UBE2E1: variants seen among roughly 807,000 people sequenced by gnomAD.
The protein encoded by UBE2E1 is ubiquitin-conjugating enzyme E2 E1.
A neutral mutation model predicts 21.4 loss-of-function variants in UBE2E1; 6 were observed. The observed-to-expected ratio is 0.28, with a 90% CI of 0.15 to 0.55. UBE2E1 has a LOEUF of 0.55. Ranked by LOEUF, UBE2E1 falls within the 20% of genes least tolerant of loss-of-function variation. The probability of loss-of-function intolerance (pLI) is 0.93; values close to 1 mark genes in which losing one functional copy is unlikely to be tolerated. For synonymous variants in UBE2E1, 87 were observed against 82.7 expected, an observed-to-expected ratio of 1.05 and a Z score of -0.28; for missense variants, 142 against 236.5, an observed-to-expected ratio of 0.60 and a Z score of 2.62.
At chr3:23,879,589 A>C in intron 3 of UBE2E1, 1 of 249,162 alleles carries the variant, frequency 4.0e-6, no homozygotes. Context: ...AAGACTAACC[A>C]TCCTTCCCTT....
intron 3 of UBE2E1, among the ~76,000 whole-genome samples, chr3:23,833,636 C>T (rs1699914188): frequency 6.6e-6 from 1 of 152,186 alleles, no homozygotes. Flanking sequence ...TTATATTTTA[C>T]AGCAAATGTT....
chr3:23,891,251 G>A lies in UBE2E1; in HGVS notation c.*645G>A, dbSNP rs930718026. The A allele has an allele frequency of 4.6e-5, 7 of 152,212 alleles. No individual in the cohort carries two copies. The highest frequency in any genetic ancestry group is 1.0e-4 in the Non-Finnish European group (7 of 68,044). The allele number at this position is 152,212 out of a possible 1,614,324, so 9.4% of individuals were successfully genotyped here. A position where few individuals can be genotyped will look rare whatever the true frequency, so the allele number is the denominator to read the frequency against. ...TTGCTCAGTGGATTGGTTCTATGTT[G>A]TGGACTACTTAAGTCTGCATTTGTT... On this transcript the variant is annotated 3_prime_UTR_variant, in exon 6 of 6. Coordinates refer to ENST00000306627, the MANE Select transcript of UBE2E1 (RefSeq NM_003341.5).
chr3:23,866,958 G>A (rs1181199375), intron 3 of UBE2E1, among the ~76,000 whole-genome samples: 1 of 152,068 alleles, frequency 6.6e-6, no homozygotes, highest in African/African-American at 2.4e-5. Flanking sequence ...CATGGGTGTA[G>A]TAAAAATATA....
intron 3 of UBE2E1, among the ~76,000 whole-genome samples, chr3:23,883,904 C>CAA (rs35520751): frequency 0.26 from 22,876 of 86,796 alleles, 2,240 homozygotes; most frequent in Non-Finnish European, 0.28. Context: ...TGACAGATCT[C>CAA]AAAAAAAAAA....
At chr3:23,883,603 GCTTTAAGTGACTATCTAAAA>G (rs1476329696) in intron 3 of UBE2E1, among the ~76,000 whole-genome samples, 2 of 152,124 alleles carry the variant, frequency 1.3e-5, no homozygotes, top group Admixed American at 6.6e-5. Flanking sequence ...TCCAATAGCA[GCTTTAAGTGACTATCTAAAA>G]CTTGATATTC....
At chr3:23,848,248 C>G (rs1364291256) in intron 3 of UBE2E1, among the ~76,000 whole-genome samples, 1 of 152,164 alleles carries the variant, frequency 6.6e-6, no homozygotes, top group Non-Finnish European at 1.5e-5. Flanking sequence ...GCGGATGGAT[C>G]ACTTGAGGTC....
chr3:23,821,623 A>G (rs1699647303), intron 3 of UBE2E1, among the ~76,000 whole-genome samples: 1 of 152,162 alleles, frequency 6.6e-6, no homozygotes, highest in Non-Finnish European at 1.5e-5. Flanking sequence ...GAACACTGGG[A>G]CCTGTTGTTG....
At chr3:23,871,195 C>T (rs1413548553) in intron 3 of UBE2E1, among the ~76,000 whole-genome samples, 1 of 151,624 alleles carries the variant, frequency 6.6e-6, no homozygotes, top group Non-Finnish European at 1.5e-5. Context: ...CTGTTGGGTA[C>T]ACCTCCCAGA....
chr3:23,868,978 CAGTA>C (rs1700717937), intron 3 of UBE2E1, among the ~76,000 whole-genome samples: 3 of 152,152 alleles, frequency 2.0e-5, no homozygotes. Context: ...TATCTCCTGT[CAGTA>C]AGTTAGCTCA....
At chr3:23,844,786 C>T (rs893140090) in intron 3 of UBE2E1, among the ~76,000 whole-genome samples, 5 of 152,084 alleles carry the variant, frequency 3.3e-5, no homozygotes, top group African/African-American at 9.7e-5. Flanking sequence ...AGGTGTTATG[C>T]GTGGGAGATG....
intron 4 of UBE2E1, among the ~76,000 whole-genome samples, chr3:23,888,907 C>T (rs892650972): frequency 2.0e-5 from 3 of 152,140 alleles, no homozygotes; most frequent in Admixed American, 6.5e-5. Context: ...CTGAACTTAC[C>T]GTCAGTGGAC....
At chr3:23,873,028 A>AG (rs1700838118) in intron 3 of UBE2E1, among the ~76,000 whole-genome samples, 1 of 152,056 alleles carries the variant, frequency 6.6e-6, no homozygotes, top group African/African-American at 2.4e-5. Flanking sequence ...AAAAAAAAAA[A>AG]ATTAACCTAG....
At chr3:23,815,388 T>C (rs1410604040) in intron 3 of UBE2E1, among the ~76,000 whole-genome samples, 3 of 152,226 alleles carry the variant, frequency 2.0e-5, no homozygotes, top group African/African-American at 7.2e-5. Flanking sequence ...AGCCATTATA[T>C]TATACAAGAA....
intron 3 of UBE2E1, among the ~76,000 whole-genome samples, chr3:23,864,962 C>G (rs1172791290): frequency 6.6e-6 from 1 of 152,246 alleles, no homozygotes; most frequent in African/African-American, 2.4e-5. Flanking sequence ...TGCAGAGACC[C>G]TCTGTTTCAA....
At chr3:23,818,758 A>C (rs1363450171) in intron 3 of UBE2E1, among the ~76,000 whole-genome samples, 9 of 152,196 alleles carry the variant, frequency 5.9e-5, no homozygotes. Flanking sequence ...GTTAAAGTGC[A>C]CAAGATTGCT....
intron 3 of UBE2E1, among the ~76,000 whole-genome samples, chr3:23,831,934 AG>A (rs1167311892): frequency 1.3e-5 from 2 of 152,146 alleles, no homozygotes; most frequent in African/African-American, 4.8e-5. Context: ...GACTGAGCTC[AG>A]GTGATTCGCC....
At chr3:23,821,004 A>T (rs1699631824) in intron 3 of UBE2E1, among the ~76,000 whole-genome samples, 1 of 152,226 alleles carries the variant, frequency 6.6e-6, no homozygotes, top group African/African-American at 2.4e-5. Context: ...AGTCAGCATT[A>T]TTATGAAGCA....
At position 23,809,760 on chromosome 3, in the gene UBE2E1, C is replaced by T. The variant is rs557393176; in HGVS notation, c.153-1700C>T. ...TGTGCTCCGGGGAGGAAATTTTTGCCTACGTGTGTAGGTCTTAAAATACAG... is the reference window on the plus strand; with the variant it reads ...TGTGCTCCGGGGAGGAAATTTTTGCTTACGTGTGTAGGTCTTAAAATACAG... On this transcript the variant is annotated intron_variant, in intron 2 of 5. Transcript: ENST00000306627. Among the ~76,000 whole-genome samples the T allele has an allele frequency of 7.9e-5, 12 of 152,218 alleles. No homozygotes were observed. In the East Asian group the frequency reaches 1.9e-3, roughly 24 times the overall value.
At position 23,810,529 on chromosome 3, in the gene UBE2E1, G is replaced by A; in HGVS notation, c.153-931G>A. ...TTAGAGGACGCCCGGGGAAAAGCAG[G>A]TCCGGGGAGGTGGGCCGAGAGTCCC... On this transcript the variant is annotated intron_variant, in intron 2 of 5. Coordinates refer to ENST00000306627, the MANE Select transcript of UBE2E1 (RefSeq NM_003341.5). The surrounding 1 kb of genome is among the most constrained non-coding windows in gnomAD (Gnocchi z 5.8). The A allele has an allele frequency of 6.5e-7, 1 of 1,534,910 alleles. No individual in the cohort carries two copies. The highest frequency in any genetic ancestry group is 8.7e-7 in the Non-Finnish European group (1 of 1,146,234).
Sources: allele counts gnomAD v4.1 joint callset (sites outside exome capture counted in the v4.1 genomes callset), GRCh38; gene constraint gnomAD v4.1.1; non-coding constraint Gnocchi (gnomAD v3.1); transcripts MANE v1.5; gene names NCBI Gene and HGNC (gene_info 2026-07-23, HGNC 2026-07-21).